Variants in QNG1 observed in about 807,000 individuals in gnomAD.
QNG1 encodes the protein queuosine 5'-phosphate N-glycosylase/hydrolase.
chr9:83,950,103 G>A, the QNG1 span, among the ~76,000 whole-genome samples: 1 of 148,800 alleles, frequency 6.7e-6, no homozygotes, highest in African/African-American at 2.5e-5. Context: ...AGGCTGGAGT[G>A]CAATGGTGCA....
chr9:83,940,284 A>C, the QNG1 span, among the ~76,000 whole-genome samples: 1 of 152,042 alleles, frequency 6.6e-6, no homozygotes, highest in East Asian at 1.9e-4. Context: ...ATGTGCCTGT[A>C]GTCCCAACTA....
chr9:83,949,578 C>G, the QNG1 span, among the ~76,000 whole-genome samples: 105,184 of 151,982 alleles, frequency 0.69, 37,106 homozygotes, highest in African/African-American at 0.8. Flanking sequence ...CCCGGGAGGC[C>G]GAAGTTGTGA....
chr9:83,948,574 G>A, the QNG1 span, among the ~76,000 whole-genome samples: 27 of 152,228 alleles, frequency 1.8e-4, no homozygotes, highest in Middle Eastern at 3.4e-3. Flanking sequence ...CTGCCCGGCC[G>A]CCACCACGTC....
At chr9:83,953,800 G>A in the QNG1 span, 17 of 1,549,130 alleles carry the variant, frequency 1.1e-5, no homozygotes, top group Middle Eastern at 1.7e-4. Flanking sequence ...TCCGGGTGCA[G>A]CCTGTGAGGG....
chr9:83,945,263 G>A, the QNG1 span, among the ~76,000 whole-genome samples: 1 of 151,868 alleles, frequency 6.6e-6, no homozygotes, highest in Admixed American at 6.6e-5. Flanking sequence ...TTAGCTGGGC[G>A]TGGTGGCACA....
At chr9:83,950,981 A>C in the QNG1 span, among the ~76,000 whole-genome samples, 1 of 152,222 alleles carries the variant, frequency 6.6e-6, no homozygotes, top group East Asian at 1.9e-4. Flanking sequence ...GTTAAGAACA[A>C]CATAGGCCAA....
the QNG1 span, among the ~76,000 whole-genome samples, chr9:83,949,911 G>A: frequency 1.3e-5 from 2 of 151,280 alleles, no homozygotes; most frequent in Non-Finnish European, 2.9e-5. Flanking sequence ...TCATGTCACT[G>A]CTGTTTCCAT....
At chr9:83,950,988 C>T in the QNG1 span, among the ~76,000 whole-genome samples, 18 of 152,164 alleles carry the variant, frequency 1.2e-4, no homozygotes, top group Non-Finnish European at 1.6e-4. Flanking sequence ...ACAACATAGG[C>T]CAAGTGCGGT....
the QNG1 span, chr9:83,953,961 C>T: frequency 1.5e-6 from 1 of 645,814 alleles, no homozygotes; most frequent in Non-Finnish European, 2.7e-6. Flanking sequence ...GTGGTGCAAT[C>T]TCGGCTCACT....
the QNG1 span, among the ~76,000 whole-genome samples, chr9:83,941,982 C>T: frequency 6.6e-6 from 1 of 151,840 alleles, no homozygotes; most frequent in Admixed American, 6.6e-5. Context: ...TGGTGTGATG[C>T]AGCTACAAAC....
At chr9:83,948,556 G>T in the QNG1 span, among the ~76,000 whole-genome samples, 15 of 152,190 alleles carry the variant, frequency 9.9e-5, no homozygotes, top group African/African-American at 3.6e-4. Context: ...GGGAAGTGAG[G>T]AGCCCTTCTG....
chr9:83,953,390 C>A, the QNG1 span, among the ~76,000 whole-genome samples: 5 of 150,798 alleles, frequency 3.3e-5, no homozygotes, highest in Non-Finnish European at 7.4e-5. Flanking sequence ...TCTTGTCGTC[C>A]AGGCTGGAGT....
the QNG1 span, among the ~76,000 whole-genome samples, chr9:83,951,857 A>T: frequency 6.6e-6 from 1 of 152,212 alleles, no homozygotes. Flanking sequence ...AGGTTGGGAA[A>T]TCACTGATCT....
At chr9:83,949,260 C>T in the QNG1 span, among the ~76,000 whole-genome samples, 5 of 152,180 alleles carry the variant, frequency 3.3e-5, no homozygotes. Flanking sequence ...CTAAACCTAT[C>T]TAAATATGAC....
the QNG1 span, chr9:83,939,480 G>C: frequency 1.1e-5 from 15 of 1,423,552 alleles, no homozygotes; most frequent in South Asian, 1.3e-4. Flanking sequence ...AAAACGCAGG[G>C]GGTTTTCTTT....
the QNG1 span, among the ~76,000 whole-genome samples, chr9:83,943,227 C>T: frequency 6.7e-6 from 1 of 149,882 alleles, no homozygotes; most frequent in Non-Finnish European, 1.5e-5. Flanking sequence ...GTAATCCCAA[C>T]TACTCAGGAG....
chr9:83,938,343 T>C, the QNG1 span: 1 of 152,150 alleles, frequency 6.6e-6, no homozygotes, highest in Non-Finnish European at 1.5e-5. Context: ...TTTATTGAAT[T>C]CCAATATAGT....
chr9:83,953,202 A>G, the QNG1 span, among the ~76,000 whole-genome samples: 5 of 152,102 alleles, frequency 3.3e-5, no homozygotes, highest in African/African-American at 1.2e-4. Flanking sequence ...CAGGAGGTGG[A>G]GGTTGTAGTG....
At chr9:83,954,879 CAAAAAAAAAAAAAAA>C in the QNG1 span, among the ~76,000 whole-genome samples, 718 of 47,100 alleles carry the variant, frequency 0.015, 20 homozygotes, top group African/African-American at 0.046. Context: ...GAGTCCATCT[CAAAAAAAAAAAAAAA>C]AAAAAAAAAA....
Sources: gnomAD v4.1 joint callset for allele counts (sites outside exome capture counted in the v4.1 genomes callset) on GRCh38, gnomAD v4.1.1 for gene constraint, MANE v1.5 for transcripts, NCBI Gene and HGNC (gene_info 2026-07-23, HGNC 2026-07-21) for gene names.